The following KIF26A variants were observed in gnomAD, a reference collection of about 807,000 sequenced individuals.
KIF26A encodes kinesin-like protein KIF26A.
Under a neutral mutation model 126.0 loss-of-function variants are expected in KIF26A, and 74 were observed. That is an observed-to-expected ratio of 0.59 (90% confidence interval 0.49 to 0.71). The LOEUF is 0.71. Ranked by LOEUF, KIF26A falls within the 30% of genes least tolerant of loss-of-function variation. KIF26A has a pLI of 0.00. For synonymous variants in KIF26A, 1,445 were observed against 1,232.7 expected, an observed-to-expected ratio of 1.17 and a Z score of -3.61; for missense variants, 2,984 against 2,763.3, an observed-to-expected ratio of 1.08 and a Z score of -1.79.
chr14:104,173,989 A>G (rs749753598), intron 10 of KIF26A, 121 bp downstream of exon 10: 68 of 1,408,766 alleles, frequency 4.8e-5, no homozygotes, highest in Non-Finnish European at 5.2e-5. Flanking sequence ...CTCCTCCACC[A>G]CCTGACAGGC....
In KIF26A at chr14:104,172,001, G is replaced by A. The variant is rs373030254; in HGVS notation, c.1326+66G>A. On this transcript the variant is annotated intron_variant, in intron 6 of 14. Transcript: ENST00000423312. Reference sequence around the variant, plus strand: ...GCCGGGCTGCTGGCTCAGCACATGGGTCCGATCTGCGCCCGCTTCTCCGTG... The same window carrying A: ...GCCGGGCTGCTGGCTCAGCACATGGATCCGATCTGCGCCCGCTTCTCCGTG... 2.0e-4 allele frequency: 291 copies of A among 1,430,950 alleles called. 2 individuals carry two copies. In the East Asian group the frequency reaches 5.6e-3, roughly 27 times the overall value. The allele number at this position is 1,430,950 out of a possible 1,614,324, so 88.6% of individuals were successfully genotyped here. A position where few individuals can be genotyped will look rare whatever the true frequency, so the allele number is the denominator to read the frequency against.
intron 6 of KIF26A, 94 bp downstream of exon 6, chr14:104,172,029 G>A (rs1189499387): frequency 8.2e-7 from 1 of 1,214,472 alleles, no homozygotes; most frequent in Non-Finnish European, 1.1e-6. Context: ...TCTCCGTGCA[G>A]GGCGCAGAGG....
At position 104,179,338 on chromosome 14, in the gene KIF26A, G is replaced by A. The variant is rs149111946; in HGVS notation, c.5419G>A (p.Glu1807Lys). Residue 1807 changes from glutamate (E) to lysine (K), a missense_variant, in exon 14 of 15, where the codon GAG (glutamate) becomes AAG (lysine). Coordinates refer to ENST00000423312, the MANE Select transcript of KIF26A (RefSeq NM_015656.2). ...KHKHLCEELAETQGRLMLEPG... is the reference protein window; with the variant it reads ...KHKHLCEELAKTQGRLMLEPG... ...CAAGCACCTGTGTGAGGAGCTGGCC[G>A]AGACCCAGGGCCGGCTGATGCTGGA... is the stretch of plus-strand genomic sequence containing the variant. The A allele has an allele frequency of 4.9e-5, 75 of 1,540,368 alleles. No individual in the cohort carries two copies. The highest frequency in any genetic ancestry group is 9.8e-5 in the Admixed American group (5 of 50,818).
intron 2 of KIF26A, among the ~76,000 whole-genome samples, chr14:104,141,892 G>C (rs1385828193): frequency 6.6e-6 from 1 of 152,218 alleles, no homozygotes; most frequent in Non-Finnish European, 1.5e-5. Flanking sequence ...TCTGCGACAT[G>C]GGACCGTCTT....
Position 104,177,806 on chromosome 14 carries a change from C to T in KIF26A, c.5018C>T (p.Ala1673Val). The change falls in exon 12 of 15, where the codon GCC (alanine) becomes GTC (valine). Residue 1673 changes from alanine (A) to valine (V), a missense_variant. By Grantham distance (64) the Ala-to-Val change is moderately conservative. Coordinates refer to ENST00000423312, the MANE Select transcript of KIF26A (RefSeq NM_015656.2). ...CGCGACAGCGAGGCCACCGGCAGCG[C>T]CTCCTCCGCCCCTGACTCCATGAGC... ...LRRDSEATGS[A>V]SSAPDSMSES... The T allele has an allele frequency of 3.2e-6, 5 of 1,562,620 alleles. No individual in the cohort carries two copies. The highest frequency in any genetic ancestry group is 1.2e-5 in the South Asian group (1 of 86,214).
chr14:104,157,237 C>T (rs968387368), intron 3 of KIF26A, among the ~76,000 whole-genome samples: 1 of 152,166 alleles, frequency 6.6e-6, no homozygotes, highest in Admixed American at 6.5e-5. Context: ...GTTGGAAATG[C>T]CAGGGTAGTA....
At chr14:104,165,827 ATGTG>A (rs1029638327) in intron 4 of KIF26A, among the ~76,000 whole-genome samples, 2 of 150,078 alleles carry the variant, frequency 1.3e-5, no homozygotes, top group Admixed American at 6.6e-5. Context: ...TTCTGTGTGC[ATGTG>A]TGTGTTTCTG....
At chr14:104,165,587 G>T (rs1596142994) in intron 4 of KIF26A, among the ~76,000 whole-genome samples, 1 of 119,696 alleles carries the variant, frequency 8.4e-6, no homozygotes, top group East Asian at 2.0e-4. Flanking sequence ...GTGTGTGTCT[G>T]TGTGTCTATG....
In KIF26A at chr14:104,151,875, G is replaced by A. The variant is rs937863544; in HGVS notation, c.289-140G>A. On this transcript the variant is annotated intron_variant, in intron 2 of 14. Transcript: ENST00000423312. This position sits in a 1 kb window ranked among gnomAD's most constrained non-coding sequence, Gnocchi z 4.9. ...GGGCTTGTGTGGGTGAAAGTGTTTG[G>A]GCTTATTAATCTGTTACGGATGGTG... The A allele has an allele frequency of 1.0e-5, 7 of 684,938 alleles. No individual in the cohort carries two copies. Among genetic ancestry groups the A allele is most frequent in the Non-Finnish European group, 1.5e-5 (6 of 390,282 alleles). The allele number at this position is 684,938 out of a possible 1,614,324, so 42.4% of individuals were successfully genotyped here. A position where few individuals can be genotyped will look rare whatever the true frequency, so the allele number is the denominator to read the frequency against.
chr14:104,144,758 T>C (rs1336694208), intron 2 of KIF26A, among the ~76,000 whole-genome samples: 1 of 152,358 alleles, frequency 6.6e-6, no homozygotes, highest in Non-Finnish European at 1.5e-5. Context: ...CATGGTTTTG[T>C]TTTTAGCTTA....
At chr14:104,174,891 C>G (rs749615139) in intron 11 of KIF26A, 91 bp from the exon 12 acceptor site, 127 of 1,322,124 alleles carry the variant, frequency 9.6e-5, no homozygotes, top group Non-Finnish European at 1.3e-4. Context: ...TCACAGTGAC[C>G]GCAGCATTGG....
rs775571744 is a variant in KIF26A at position 104,152,157 on chromosome 14, A to G, written c.431A>G (p.Gln144Arg). The G allele has an allele frequency of 3.4e-5, 54 of 1,609,674 alleles. No individual in the cohort carries two copies. Among genetic ancestry groups the G allele is most frequent in the Non-Finnish European group, 4.5e-5 (53 of 1,179,144 alleles). ...ACACGGGAGGCCATGCACCTGCTGC[A>G]GGCCCCTGCCAGCCATGAGGACCTT... Reference protein sequence around the residue: ...QLTREAMHLLQAPASHEDLDA... With the variant: ...QLTREAMHLLRAPASHEDLDA... Residue 144 changes from glutamine to arginine, a missense_variant, in exon 3 of 15, where the codon CAG becomes CGG. Gln to Arg is a conservative substitution (Grantham distance 43, BLOSUM62 1). Coordinates refer to ENST00000423312, the MANE Select transcript of KIF26A (RefSeq NM_015656.2). The surrounding 1 kb of genome is among the most constrained non-coding windows in gnomAD (Gnocchi z 5.9).
At chr14:104,158,189 C>G (rs998980117) in intron 4 of KIF26A, among the ~76,000 whole-genome samples, 1 of 152,262 alleles carries the variant, frequency 6.6e-6, no homozygotes, top group Admixed American at 6.5e-5. Flanking sequence ...GGCTCTGTGG[C>G]CAGGACCCTG....
At chr14:104,157,698 G>C in intron 3 of KIF26A, 57 bp from the exon 4 acceptor site, 1 of 1,532,318 alleles carries the variant, frequency 6.5e-7, no homozygotes. Context: ...CGGGTGCCAG[G>C]GGGCAGTGGT....
At chr14:104,174,016 T>G in intron 10 of KIF26A, 132 bp from the exon 11 acceptor site, 1 of 1,391,574 alleles carries the variant, frequency 7.2e-7, no homozygotes, top group Non-Finnish European at 9.5e-7. Flanking sequence ...GCCCGTGGGC[T>G]GCCTGGGGCC....
rs1157180494 is a variant in KIF26A, at chr14:104,139,210, C to T, written c.210C>T (p.Cys70=). 2 of 1,551,700 alleles carry T rather than the reference C, an allele frequency of 1.3e-6. No individual in the cohort carries two copies. Among genetic ancestry groups the T allele is most frequent in the Non-Finnish European group, 1.7e-6 (2 of 1,149,838 alleles). Residue 70 remains cysteine (C), a synonymous_variant, in exon 2 of 15, where the codon TGC becomes TGT. Coordinates refer to ENST00000423312, the MANE Select transcript of KIF26A (RefSeq NM_015656.2). ...QGHSAGGGGW[C]RHCHTKLVEL... Reference sequence around the variant, plus strand: ...ACTCGGCCGGCGGAGGCGGCTGGTGCCGCCACTGCCACACGAAGCTGGTGG... The same window carrying T: ...ACTCGGCCGGCGGAGGCGGCTGGTGTCGCCACTGCCACACGAAGCTGGTGG...
At position 104,148,053 on chromosome 14, in the gene KIF26A, A is replaced by T. The variant is rs909325835; in HGVS notation, c.289-3962A>T. On this transcript the variant is annotated intron_variant, in intron 2 of 14. Transcript: ENST00000423312. This position sits in a 1 kb window ranked among gnomAD's most constrained non-coding sequence, Gnocchi z 4.3. ...TGGCCTTACCTGGCGGGGAGGTTTG[A>T]TCAGCTGTTCTTTCCCATGGGCAGT... Among the ~76,000 whole-genome samples the T allele has an allele frequency of 3.9e-4, 59 of 152,238 alleles. No individual in the cohort carries two copies. The highest frequency in any genetic ancestry group is 1.4e-3 in the African/African-American group (58 of 41,552).
At chr14:104,162,402 G>C (rs1318269993) in intron 4 of KIF26A, among the ~76,000 whole-genome samples, 1 of 152,192 alleles carries the variant, frequency 6.6e-6, no homozygotes, top group Admixed American at 6.5e-5. Context: ...GCATACCTGA[G>C]ATCTGTGCTG....
intron 2 of KIF26A, among the ~76,000 whole-genome samples, chr14:104,150,740 G>A (rs890365389): frequency 5.9e-5 from 9 of 152,224 alleles, no homozygotes; most frequent in Admixed American, 5.9e-4. Flanking sequence ...AATCCCTTGA[G>A]GCAACATGGC....
Sources: gnomAD v4.1 joint callset for allele counts (sites outside exome capture counted in the v4.1 genomes callset) on GRCh38, gnomAD v4.1.1 for gene constraint, Gnocchi (gnomAD v3.1) non-coding constraint, MANE v1.5 for transcripts, NCBI Gene and HGNC (gene_info 2026-07-23, HGNC 2026-07-21) for gene names.